RIMS2: variants seen among roughly 807,000 people sequenced by gnomAD.
RIMS2 encodes the protein regulating synaptic membrane exocytosis protein 2.
Under a neutral mutation model 174.4 loss-of-function variants are expected in RIMS2, and 59 were observed. That is an observed-to-expected ratio of 0.34 (90% CI 0.27 to 0.42). The LOEUF (loss-of-function observed/expected upper bound fraction) is 0.42, where lower values mean the gene tolerates loss of function less well. Among genes scored for constraint, RIMS2 ranks in the 10% least tolerant of loss-of-function variants. RIMS2 has a pLI of 1.00. For synonymous variants in RIMS2, 606 were observed against 572.5 expected (o/e 1.06, Z -0.84); for missense variants, 1,620 against 1,666.3 (o/e 0.97, Z 0.48).
At chr8:104,100,955 A>G (rs1031000406) in intron 19 of RIMS2, among the ~76,000 whole-genome samples, 4 of 127,962 alleles carry the variant, frequency 3.1e-5, no homozygotes, top group Non-Finnish European at 6.5e-5. Context: ...TATAGTATAT[A>G]TGATATATTA....
chr8:103,601,704 T>C (rs2094751637), intron 1 of RIMS2, among the ~76,000 whole-genome samples: 1 of 152,136 alleles, frequency 6.6e-6, no homozygotes, highest in Admixed American at 6.6e-5. Flanking sequence ...TTTTGTTATT[T>C]ATTTTCTGGT....
intron 1 of RIMS2, among the ~76,000 whole-genome samples, chr8:103,664,371 C>G (rs1013597200): frequency 3.9e-5 from 6 of 152,162 alleles, no homozygotes; most frequent in Admixed American, 3.3e-4. Context: ...CCTTTGCAAT[C>G]TACCCATCTG....
intron 19 of RIMS2, among the ~76,000 whole-genome samples, chr8:104,182,047 T>C (rs1418944804): frequency 6.6e-6 from 1 of 151,738 alleles, no homozygotes; most frequent in East Asian, 1.9e-4. Context: ...ATGGAAATAT[T>C]TTATATGATT....
intron 3 of RIMS2, among the ~76,000 whole-genome samples, chr8:103,791,440 C>T (rs895616759): frequency 6.6e-6 from 1 of 152,158 alleles, no homozygotes; most frequent in African/African-American, 2.4e-5. Context: ...TGAAAAGGAA[C>T]AACCCGTACG....
chr8:104,216,137 T>G (rs895122789), intron 19 of RIMS2, among the ~76,000 whole-genome samples: 1 of 152,274 alleles, frequency 6.6e-6, no homozygotes, highest in Admixed American at 6.5e-5. Flanking sequence ...CATACCCATA[T>G]GCTGATTCCT....
At chr8:103,993,500 T>C (rs1222366268) in intron 17 of RIMS2, among the ~76,000 whole-genome samples, 3 of 152,208 alleles carry the variant, frequency 2.0e-5, no homozygotes, top group African/African-American at 7.2e-5. Context: ...TACTCATAAC[T>C]ATTTCACCAA....
intron 14 of RIMS2, among the ~76,000 whole-genome samples, chr8:103,954,189 G>C (rs1363177387): frequency 2.0e-5 from 3 of 152,100 alleles, no homozygotes; most frequent in Non-Finnish European, 4.4e-5. Context: ...ACATTAGACA[G>C]ATCAACGAGA....
intron 17 of RIMS2, among the ~76,000 whole-genome samples, chr8:103,991,762 T>C (rs1303384095): frequency 2.0e-5 from 3 of 152,128 alleles, no homozygotes; most frequent in Non-Finnish European, 2.9e-5. Context: ...TTTATAGGAT[T>C]TGAAACCAAA....
At chr8:104,030,550 C>T (rs937637341) in intron 19 of RIMS2, among the ~76,000 whole-genome samples, 2 of 152,148 alleles carry the variant, frequency 1.3e-5, no homozygotes, top group African/African-American at 4.8e-5. Context: ...ATTACTACTT[C>T]AATCTTATCT....
Position 104,093,607 on chromosome 8 carries a change from T to C in RIMS2, c.3334+78992T>C, listed in dbSNP as rs374981220. Reference sequence around the variant, plus strand: ...TTCAGCAGCACAAGCTACATGTCTGTCCAATCAGAACGCCCAGGAGGAAAC... The same window carrying C: ...TTCAGCAGCACAAGCTACATGTCTGCCCAATCAGAACGCCCAGGAGGAAAC... On this transcript the variant is annotated intron_variant, in intron 19 of 23. Transcript: ENST00000504942. The C allele has an allele frequency of 2.6e-5, 41 of 1,597,116 alleles. No individual in the cohort carries two copies. In the African/African-American group the frequency reaches 5.1e-4, roughly 20 times the overall value.
Position 104,213,862 on chromosome 8 carries a change from C to T in RIMS2, c.3335-31054C>T, listed in dbSNP as rs1367665290. Among the ~76,000 whole-genome samples the T allele has an allele frequency of 7.8e-5, 11 of 140,382 alleles. No homozygotes were observed. In the East Asian group the frequency reaches 1.2e-3, roughly 15 times the overall value. 92.1% of individuals were successfully genotyped at this position (140,382 alleles called of 152,430 possible). A position where few individuals can be genotyped will look rare whatever the true frequency, so the allele number is the denominator to read the frequency against. On this transcript the variant is annotated intron_variant, in intron 19 of 23. Coordinates refer to ENST00000504942, the Ensembl canonical transcript of RIMS2. ...ACTGTACTCCAGCCTGGTGACAGAG[C>T]GAGACTCTGCCTCGGAAAAAAAAAA... is the stretch of plus-strand genomic sequence containing the variant.
In RIMS2 at chr8:103,993,936, G is replaced by A. The variant is rs114030144; in HGVS notation, c.3044+4515G>A. Among the ~76,000 whole-genome samples, 1,212 of 150,900 alleles carry A rather than the reference G, an allele frequency of 8.0e-3. 19 individuals are homozygous for A. The highest frequency in any genetic ancestry group is 0.028 in the African/African-American group (1,158 of 41,112). ...TGGTGTGCACCTTTTTTTTATTCCA[G>A]CTACTCAGGAGGCTGAGGTGGGAGG... On this transcript the variant is annotated intron_variant, in intron 17 of 23. Transcript: ENST00000504942.
At chr8:104,057,837 C>T (rs1000558531) in intron 19 of RIMS2, among the ~76,000 whole-genome samples, 6 of 149,834 alleles carry the variant, frequency 4.0e-5, no homozygotes, top group Non-Finnish European at 8.9e-5. Flanking sequence ...TTTGTCCTTG[C>T]GATAGTTTAC....
At chr8:103,565,150 A>G (rs373982717) in intron 1 of RIMS2, among the ~76,000 whole-genome samples, 10 of 152,320 alleles carry the variant, frequency 6.6e-5, no homozygotes, top group African/African-American at 2.4e-4. Flanking sequence ...GGAACTACAT[A>G]GCACCTGTGC....
chr8:103,904,287 G>A (rs996769213), intron 4 of RIMS2, among the ~76,000 whole-genome samples: 2 of 151,878 alleles, frequency 1.3e-5, no homozygotes, highest in South Asian at 2.1e-4. Flanking sequence ...TTTATTATAA[G>A]TAGCATTCCA....
intron 19 of RIMS2, among the ~76,000 whole-genome samples, chr8:104,217,114 T>C (rs985726): frequency 0.33 from 50,438 of 151,930 alleles, 8,648 homozygotes; most frequent in African/African-American, 0.42. Context: ...TTTTCCCCTT[T>C]ATTCCTGAGT....
chr8:104,062,401 C>T (rs1467004373), intron 19 of RIMS2, among the ~76,000 whole-genome samples: 1 of 152,128 alleles, frequency 6.6e-6, no homozygotes, highest in Admixed American at 6.6e-5. Context: ...AGCAAAACTC[C>T]ATCTCAAAAA....
intron 19 of RIMS2, among the ~76,000 whole-genome samples, chr8:104,087,477 C>T (rs2097557017): frequency 6.6e-6 from 1 of 151,962 alleles, no homozygotes; most frequent in South Asian, 2.1e-4. Context: ...GAGGAACATT[C>T]GAAGCAGTGC....
At chr8:103,548,317 G>T (rs543922124) in intron 1 of RIMS2, among the ~76,000 whole-genome samples, 1 of 152,132 alleles carries the variant, frequency 6.6e-6, no homozygotes, top group South Asian at 2.1e-4. Flanking sequence ...GATGTGCCAC[G>T]ATCAACTAGG....
Sources: allele counts gnomAD v4.1 joint callset (sites outside exome capture counted in the v4.1 genomes callset), GRCh38; gene constraint gnomAD v4.1.1; transcripts MANE v1.5; gene names NCBI Gene and HGNC (gene_info 2026-07-23, HGNC 2026-07-21).